Variants in HSCB observed in about 807,000 individuals in gnomAD.
HSCB encodes iron-sulfur cluster co-chaperone protein HscB.
A neutral mutation model predicts 31.3 loss-of-function variants in HSCB; 23 were observed. That is an observed-to-expected ratio of 0.74 (90% CI 0.53 to 1.04). The LOEUF (loss-of-function observed/expected upper bound fraction) is 1.04. Among genes scored for constraint, HSCB ranks in the 50% least tolerant of loss-of-function variants. HSCB has a pLI of 0.00. For synonymous variants in HSCB, 110 were observed against 104.5 expected, an observed-to-expected ratio of 1.05 and a Z score of -0.32; for missense variants, 297 against 288.1, an observed-to-expected ratio of 1.03 and a Z score of -0.22.
At chr22:28,751,119 C>A in intron 4 of HSCB, 122 bp from the exon 5 acceptor site, 1 of 633,362 alleles carries the variant, frequency 1.6e-6, no homozygotes, top group Non-Finnish European at 2.8e-6. Context: ...GAAGCCTTAC[C>A]CTTGAATACA....
chr22:28,746,428 C>G (rs1184336855), intron 4 of HSCB, among the ~76,000 whole-genome samples: 1 of 149,020 alleles, frequency 6.7e-6, no homozygotes, highest in Admixed American at 6.7e-5. Context: ...GGAATTAGCT[C>G]ACATAATTGT....
At chr22:28,750,945 C>CTTTTTTTTTGTTTTTTTTTTTTTTTTT in intron 4 of HSCB, among the ~76,000 whole-genome samples, 1 of 56,452 alleles carries the variant, frequency 1.8e-5, no homozygotes, top group Non-Finnish European at 3.2e-5. Flanking sequence ...ATATCTTTGT[C>CTTTTTTTTTGTTTTTTTTTTTTTTTTT]TTTTTTTTTT....
intron 5 of HSCB, among the ~76,000 whole-genome samples, chr22:28,751,792 C>T (rs1373388668): frequency 6.6e-6 from 1 of 150,546 alleles, no homozygotes; most frequent in East Asian, 1.9e-4. Context: ...GAGAAACAAA[C>T]TATATCAAAA....
Position 28,742,302 on chromosome 22 carries a change from C to T in HSCB, c.207C>T (p.Pro69=), listed in dbSNP as rs761899855. Residue 69 remains proline (P), a synonymous_variant, in exon 1 of 6, where the codon CCC becomes CCT. Transcript: ENST00000216027. ...GCCGAGCGCTGCAGGCACCTGACCC[C>T]ACTCGAGACTACTTCAGCCTTATGG... ...PQCRALQAPD[P]TRDYFSLMDC... is the part of the protein sequence containing the mutation. 1.9e-6 allele frequency: 3 copies of T among 1,614,002 alleles called. No homozygotes were observed. The highest frequency in any genetic ancestry group is 2.5e-6 in the Non-Finnish European group (3 of 1,180,030).
Position 28,742,059 on chromosome 22 carries a change from CCCA to C in HSCB, c.-35_-33del, listed in dbSNP as rs755883644. The C allele has an allele frequency of 1.1e-5, 18 of 1,575,890 alleles. No individual in the cohort carries two copies. Among genetic ancestry groups the C allele is most frequent in the Middle Eastern group, 1.7e-4 (1 of 6,046 alleles). On this transcript the variant is annotated 5_prime_UTR_variant, in exon 1 of 6. Transcript: ENST00000216027. ...TGGTTAGACGCTCTCTTTGCTTTTC[CCCA>C]CGAGTGACCACGGCTAGATAGGCCG...
chr22:28,742,150 G>C lies in HSCB; in HGVS notation c.55G>C (p.Gly19Arg). 1 of 1,613,394 alleles carries C rather than the reference G, an allele frequency of 6.2e-7. No homozygotes were observed. Among genetic ancestry groups the C allele is most frequent in the Non-Finnish European group, 8.5e-7 (1 of 1,179,794 alleles). ...CCGGGTGTGGGGGTTTTGGCCGACAGGGGTTCCCAGAAGGAGACCGCTAAG... is the reference window on the plus strand; with the variant it reads ...CCGGGTGTGGGGGTTTTGGCCGACACGGGTTCCCAGAAGGAGACCGCTAAG... ...LLRVWGFWPT[G>R]VPRRRPLSCD... The change falls in exon 1 of 6, where the codon GGG (glycine) becomes CGG (arginine). Residue 19 changes from glycine to arginine, a missense_variant. By Grantham distance (125) the Gly-to-Arg change is moderately radical (BLOSUM62 -2). Coordinates refer to ENST00000216027, the MANE Select transcript of HSCB (RefSeq NM_172002.5).
At position 28,742,081 on chromosome 22, in the gene HSCB, T is replaced by G; in HGVS notation, c.-15T>G. 6.3e-7 allele frequency: 1 copy of G among 1,599,952 alleles called. No homozygotes were observed. Among genetic ancestry groups the G allele is most frequent in the Non-Finnish European group, 8.5e-7 (1 of 1,174,302 alleles). On this transcript the variant is annotated 5_prime_UTR_variant, in exon 1 of 6. Transcript: ENST00000216027. ...TTCCCCACGAGTGACCACGGCTAGATAGGCCGCCGGCCAGATGTGGCGGGG... is the reference window on the plus strand; with the variant it reads ...TTCCCCACGAGTGACCACGGCTAGAGAGGCCGCCGGCCAGATGTGGCGGGG...
intron 4 of HSCB, among the ~76,000 whole-genome samples, chr22:28,746,714 A>ACCAGC (rs2054698779): frequency 6.6e-6 from 1 of 152,170 alleles, no homozygotes; most frequent in Non-Finnish European, 1.5e-5. Context: ...AGCCAGGCCA[A>ACCAGC]CATGGAGAAA....
chr22:28,753,119 T>C (rs762141328), intron 5 of HSCB, among the ~76,000 whole-genome samples: 1 of 151,710 alleles, frequency 6.6e-6, no homozygotes, highest in African/African-American at 2.4e-5. Flanking sequence ...TTTATATAGG[T>C]CGGAAACTTG....
intron 5 of HSCB, among the ~76,000 whole-genome samples, chr22:28,752,429 CAAAAAAA>C (rs564221588): frequency 1.5e-5 from 1 of 65,978 alleles, no homozygotes; most frequent in Non-Finnish European, 3.1e-5. Context: ...GACTTTGTCT[CAAAAAAA>C]AAAAAAAAAA....
At chr22:28,751,877 G>A (rs909788342) in intron 5 of HSCB, among the ~76,000 whole-genome samples, 5 of 151,898 alleles carry the variant, frequency 3.3e-5, no homozygotes, top group African/African-American at 1.2e-4. Context: ...ATCACTTGAG[G>A]TTAGGGGTTT....
chr22:28,753,461 G>C (rs1346676826), intron 5 of HSCB, among the ~76,000 whole-genome samples: 1 of 151,760 alleles, frequency 6.6e-6, no homozygotes, highest in African/African-American at 2.4e-5. Context: ...CCGGGAGACA[G>C]ATGTTGCAGT....
chr22:28,749,127 C>T (rs981032814), intron 4 of HSCB, among the ~76,000 whole-genome samples: 1 of 146,022 alleles, frequency 6.8e-6, no homozygotes, highest in African/African-American at 2.6e-5. Context: ...AGCAACAGAG[C>T]GAAAACACGT....
intron 5 of HSCB, among the ~76,000 whole-genome samples, chr22:28,752,429 CAAA>C (rs564221588): frequency 2.1e-4 from 14 of 65,964 alleles, no homozygotes; most frequent in Admixed American, 3.6e-4. Flanking sequence ...GACTTTGTCT[CAAA>C]AAAAAAAAAA....
At chr22:28,746,037 T>A (rs1486756484) in intron 4 of HSCB, 29 bp downstream of exon 4, 1 of 1,595,924 alleles carries the variant, frequency 6.3e-7, no homozygotes, top group African/African-American at 1.3e-5. Flanking sequence ...CTGAATGTAT[T>A]TCATTGCTGT....
rs5844822 is a variant in HSCB, at chr22:28,749,144, GA to G, written c.569-2083del. Reference sequence around the variant, plus strand: ...CAACAGAGCGAAAACACGTCTCAAAGAAAAAAAAAAAAAACTTTTAAGTGGC... The same window carrying G: ...CAACAGAGCGAAAACACGTCTCAAAGAAAAAAAAAAAAACTTTTAAGTGGC... On this transcript the variant is annotated intron_variant, in intron 4 of 5. Coordinates refer to ENST00000216027, the MANE Select transcript of HSCB (RefSeq NM_172002.5). Among the ~76,000 whole-genome samples the G allele has an allele frequency of 5.7e-3, 821 of 144,458 alleles. 8 individuals are homozygous for G. The highest frequency in any genetic ancestry group is 0.018 in the Middle Eastern group (5 of 280). 94.8% of individuals were successfully genotyped at this position (144,458 alleles called of 152,430 possible).
At chr22:28,744,503 G>A in intron 2 of HSCB, 112 bp from the exon 3 acceptor site, 4 of 719,926 alleles carry the variant, frequency 5.6e-6, no homozygotes, top group Non-Finnish European at 9.8e-6. Context: ...AGTGAGCTGA[G>A]TTCGCGCCAC....
At position 28,742,059 on chromosome 22, in the gene HSCB, C is replaced by T. The variant is rs1269754581; in HGVS notation, c.-37C>T. 4.4e-6 allele frequency: 7 copies of T among 1,576,008 alleles called. No homozygotes were observed. Among genetic ancestry groups the T allele is most frequent in the Middle Eastern group, 3.3e-4 (2 of 6,024 alleles). ...TGGTTAGACGCTCTCTTTGCTTTTCCCCACGAGTGACCACGGCTAGATAGG... is the reference window on the plus strand; with the variant it reads ...TGGTTAGACGCTCTCTTTGCTTTTCTCCACGAGTGACCACGGCTAGATAGG... On this transcript the variant is annotated 5_prime_UTR_variant, in exon 1 of 6. Coordinates refer to ENST00000216027, the MANE Select transcript of HSCB (RefSeq NM_172002.5).
chr22:28,755,248 A>G (rs1265086975), intron 5 of HSCB, among the ~76,000 whole-genome samples: 2 of 151,540 alleles, frequency 1.3e-5, no homozygotes, highest in Non-Finnish European at 2.9e-5. Context: ...GTCTCTACTA[A>G]AAATACAAAA....
Sources: gnomAD v4.1 joint callset for allele counts (sites outside exome capture counted in the v4.1 genomes callset) on GRCh38, gnomAD v4.1.1 for gene constraint, MANE v1.5 for transcripts, NCBI Gene and HGNC (gene_info 2026-07-23, HGNC 2026-07-21) for gene names.